NRG4: variants seen among roughly 807,000 people sequenced by gnomAD.
NRG4 encodes neuregulin 4.
NRG4 carries 10 observed loss-of-function variants against 15.0 expected under a neutral mutation model. That is an observed-to-expected ratio of 0.67 (90% CI 0.41 to 1.13). The LOEUF (loss-of-function observed/expected upper bound fraction) is 1.13, where lower values mean the gene tolerates loss of function less well. NRG4 is among the 50% of genes most tolerant of loss of function. The pLI is 0.00. For missense variants in NRG4, 139 were observed against 140.2 expected (o/e 0.99, Z 0.04); for synonymous variants, 41 against 50.1 (o/e 0.82, Z 0.77).
At chr15:75,973,747 T>C (rs936035743) in intron 3 of NRG4, among the ~76,000 whole-genome samples, 1 of 152,212 alleles carries the variant, frequency 6.6e-6, no homozygotes, top group Non-Finnish European at 1.5e-5. Context: ...AGCTTTTTGA[T>C]GTGCTGCTGG....
At chr15:75,950,229 A>G (rs1037523888) in intron 5 of NRG4, among the ~76,000 whole-genome samples, 3 of 152,216 alleles carry the variant, frequency 2.0e-5, no homozygotes, top group Non-Finnish European at 4.4e-5. Context: ...TTGAGATTCT[A>G]TCATTAATAA....
At chr15:76,015,861 A>G (rs938439867), upstream of NRG4, among the ~76,000 whole-genome samples, 1 of 152,184 alleles carries the variant, frequency 6.6e-6, no homozygotes, top group African/African-American at 2.4e-5. Context: ...CTGGCCTCAT[A>G]AAATGAGTTA....
chr15:76,049,003 C>G (rs970379559), intron 4 of NRG4, among the ~76,000 whole-genome samples: 1 of 150,268 alleles, frequency 6.7e-6, no homozygotes, highest in Non-Finnish European at 1.5e-5. Flanking sequence ...GAGATCACGC[C>G]ACTGTACTCC....
At chr15:75,984,630 C>T (rs187932413) in intron 3 of NRG4, among the ~76,000 whole-genome samples, 13 of 152,074 alleles carry the variant, frequency 8.5e-5, no homozygotes, top group Admixed American at 5.2e-4. Context: ...CACACCAGGG[C>T]CTACTGGGAG....
chr15:75,957,773 C>G (rs1243238253), intron 4 of NRG4, among the ~76,000 whole-genome samples: 2 of 152,028 alleles, frequency 1.3e-5, no homozygotes, highest in Non-Finnish European at 2.9e-5. Context: ...GACTTCTCTT[C>G]AATATTTTCC....
chr15:76,042,852 T>A (rs989130555), intron 4 of NRG4, among the ~76,000 whole-genome samples: 11 of 150,640 alleles, frequency 7.3e-5, no homozygotes, highest in African/African-American at 2.7e-4. Context: ...AAAACACATT[T>A]AAAAAAAAAG....
chr15:75,970,639 G>C lies in NRG4; in HGVS notation c.105-8665C>G, dbSNP rs545856881. On this transcript the variant is annotated intron_variant, in intron 3 of 5. Transcript: ENST00000394907. ...TATTCCAATGGTAATTCTTTGCCAA[G>C]TTAAACCTTCTCCCATCAGAGTCCC... Among the ~76,000 whole-genome samples the C allele has an allele frequency of 1.2e-3, 182 of 152,322 alleles. 2 individuals are homozygous for C. The highest frequency in any genetic ancestry group is 2.2e-3 in the Admixed American group (34 of 15,290).
At position 75,977,197 on chromosome 15, in the gene NRG4, G is replaced by A. The variant is rs901056053; in HGVS notation, c.105-15223C>T. The stretch of plus-strand genomic sequence containing the variant: ...CAACCAAGACTGAGCATCCCAGGTC[G>A]ACTTCAGACTGCTGTGCTGGCAGCG... On this transcript the variant is annotated intron_variant, in intron 3 of 5. Coordinates refer to ENST00000394907, the MANE Select transcript of NRG4 (RefSeq NM_138573.4). This position sits in a 1 kb window ranked among gnomAD's most constrained non-coding sequence, Gnocchi z 4.9. 1.3e-5 allele frequency among the ~76,000 whole-genome samples: 2 copies of A among 152,100 alleles called. No individual in the cohort carries two copies. The highest frequency in any genetic ancestry group is 2.4e-5 in the African/African-American group (1 of 41,408).
intron 3 of NRG4, among the ~76,000 whole-genome samples, chr15:75,967,908 G>C (rs2032895565): frequency 6.6e-6 from 1 of 152,184 alleles, no homozygotes; most frequent in African/African-American, 2.4e-5. Context: ...GAAGGATATT[G>C]TTTATAATTT....
Position 76,001,364 on chromosome 15 carries a change from T to G in NRG4, c.104+7836A>C, listed in dbSNP as rs571154001. On this transcript the variant is annotated intron_variant, in intron 3 of 5. Transcript: ENST00000394907. ...ATTATTTGTAGTAATATATTTTCAC[T>G]TCAATATATCCAAAATATTATCATT... is the stretch of plus-strand genomic sequence containing the variant. 2.0e-5 allele frequency among the ~76,000 whole-genome samples: 3 copies of G among 152,338 alleles called. No individual in the cohort carries two copies. The East Asian group carries it at 5.8e-4, about 29-fold the overall frequency.
intron 5 of NRG4, among the ~76,000 whole-genome samples, chr15:76,027,320 AAAAG>A (rs138444503): frequency 0.037 from 5,578 of 152,084 alleles, 172 homozygotes; most frequent in African/African-American, 0.084. Flanking sequence ...TACAAAGAGA[AAAAG>A]AAAGACATTA....
chr15:75,969,398 G>T (rs1387649939), intron 3 of NRG4, among the ~76,000 whole-genome samples: 1 of 152,098 alleles, frequency 6.6e-6, no homozygotes, highest in Admixed American at 6.6e-5. Context: ...ACCAAAATTT[G>T]GAAGCAAATG....
At chr15:75,967,602 C>T (rs946335013) in intron 3 of NRG4, among the ~76,000 whole-genome samples, 8 of 151,772 alleles carry the variant, frequency 5.3e-5, no homozygotes, top group African/African-American at 1.9e-4. Context: ...GCTGGGACCA[C>T]AGGTGTGCAC....
rs943498119 is a variant in NRG4, at chr15:76,012,343, T to C, written c.-81A>G. On this transcript the variant is annotated 5_prime_UTR_variant, in exon 1 of 6. Coordinates refer to ENST00000394907, the MANE Select transcript of NRG4 (RefSeq NM_138573.4). The stretch of plus-strand genomic sequence containing the variant: ...CATTCACACAAAAAATAAATTTTGT[T>C]GGACATGCAGTGTTTCAAAAGTTTT... 1 of 152,240 alleles carries C rather than the reference T, an allele frequency of 6.6e-6. No individual in the cohort carries two copies. The highest frequency in any genetic ancestry group is 6.5e-5 in the Admixed American group (1 of 15,282). 9.4% of individuals were successfully genotyped at this position (152,240 alleles called of 1,614,324 possible).
intron 3 of NRG4, among the ~76,000 whole-genome samples, chr15:75,989,596 C>A (rs1027918878): frequency 1.3e-5 from 2 of 152,110 alleles, no homozygotes; most frequent in Non-Finnish European, 2.9e-5. Flanking sequence ...ATTTGTTAAG[C>A]CCATCCACTC....
Position 76,026,779 on chromosome 15 carries a change from T to C in NRG4, c.-57+9165A>G, listed in dbSNP as rs937585864. On this transcript the variant is annotated intron_variant, in intron 5 of 8. Transcript: ENST00000563910. The stretch of plus-strand genomic sequence containing the variant: ...CATCAATAATAACCTTGCATGCCAA[T>C]GGATTAAATACTCCATTTAAAAGAT... 2.6e-5 allele frequency among the ~76,000 whole-genome samples: 4 copies of C among 152,110 alleles called. No individual in the cohort carries two copies. In the South Asian group the frequency reaches 8.3e-4, roughly 32 times the overall value.
intron 5 of NRG4, among the ~76,000 whole-genome samples, chr15:75,950,197 G>A (rs1300724533): frequency 6.6e-6 from 1 of 151,712 alleles, no homozygotes; most frequent in Non-Finnish European, 1.5e-5. Context: ...TTTGTCTGAT[G>A]TATGCTTATG....
chr15:75,964,897 G>C (rs1257072669), intron 3 of NRG4, among the ~76,000 whole-genome samples: 2 of 151,920 alleles, frequency 1.3e-5, no homozygotes, highest in Non-Finnish European at 2.9e-5. Context: ...ACTCCAGCTA[G>C]AGCAACAGAG....
chr15:75,950,450 G>A (rs1053790709), intron 5 of NRG4: 2 of 228,132 alleles, frequency 8.8e-6, no homozygotes, highest in African/African-American at 4.6e-5. Context: ...CTCTACAGAT[G>A]GGGACAGTCC....
Sources: gnomAD v4.1 joint callset for allele counts (sites outside exome capture counted in the v4.1 genomes callset) on GRCh38, gnomAD v4.1.1 for gene constraint, Gnocchi (gnomAD v3.1) non-coding constraint, MANE v1.5 for transcripts, NCBI Gene and HGNC (gene_info 2026-07-23, HGNC 2026-07-21) for gene names.